LARS1: variants seen among roughly 807,000 people sequenced by gnomAD.
LARS1 encodes leucine--tRNA ligase, cytoplasmic.
In LARS1, 100 loss-of-function variants were observed where a neutral mutation model predicts 162.8. That is an observed-to-expected ratio of 0.61 (90% confidence interval 0.52 to 0.73). LARS1 has a LOEUF of 0.73. Among genes scored for constraint, LARS1 ranks in the 30% least tolerant of loss-of-function variants. LARS1 has a pLI of 0.00. For missense variants in LARS1, 1,258 were observed against 1,408.9 expected (o/e 0.89, Z 1.71); for synonymous variants, 457 against 462.8 (o/e 0.99, Z 0.16).
intron 6 of LARS1, among the ~76,000 whole-genome samples, chr5:146,161,820 A>C (rs1753793857): frequency 6.6e-6 from 1 of 151,874 alleles, no homozygotes; most frequent in South Asian, 2.1e-4. Context: ...ACTAAAGTTT[A>C]TGTGATATTC....
At chr5:146,155,616 A>G (rs1467548401) in intron 10 of LARS1, among the ~76,000 whole-genome samples, 1 of 152,126 alleles carries the variant, frequency 6.6e-6, no homozygotes, top group Non-Finnish European at 1.5e-5. Context: ...CATAATTCCC[A>G]CCCACCCCTC....
At chr5:146,172,248 T>C (rs1754316573) in intron 3 of LARS1, among the ~76,000 whole-genome samples, 1 of 152,194 alleles carries the variant, frequency 6.6e-6, no homozygotes, top group Admixed American at 6.5e-5. Flanking sequence ...CCAGGCACGG[T>C]GGCTCATGCC....
In LARS1 at chr5:146,151,947, T is replaced by C. The variant is rs1321061498; in HGVS notation, c.1340A>G (p.Asp447Gly). 15 of 1,614,024 alleles carry C rather than the reference T, an allele frequency of 9.3e-6. No individual in the cohort carries two copies. The highest frequency in any genetic ancestry group is 1.3e-5 in the African/African-American group (1 of 74,928). ...FGNLSAVTIC[D>G]ELKIQSQNDR... Reference sequence around the variant, plus strand: ...ATTCTGGCTCTGAATTTTCAACTCATCACAAATGGTTACAGCAGAAAGATT... The same window carrying C: ...ATTCTGGCTCTGAATTTTCAACTCACCACAAATGGTTACAGCAGAAAGATT... The change falls in exon 14 of 32, where the codon GAT (aspartate) becomes GGT (glycine). Residue 447 changes from aspartate to glycine, a missense_variant. Physicochemically the swap from Asp to Gly is moderately conservative, Grantham distance 94. Coordinates refer to ENST00000394434, the MANE Select transcript of LARS1 (RefSeq NM_020117.11).
intron 15 of LARS1, among the ~76,000 whole-genome samples, chr5:146,148,012 G>A (rs1337251107): frequency 6.6e-6 from 1 of 152,136 alleles, no homozygotes; most frequent in Non-Finnish European, 1.5e-5. Flanking sequence ...AAGATGATGA[G>A]GTAATACCTT....
intron 31 of LARS1, among the ~76,000 whole-genome samples, chr5:146,116,963 A>C (rs1275545044): frequency 6.6e-6 from 1 of 152,212 alleles, no homozygotes; most frequent in Non-Finnish European, 1.5e-5. Context: ...ATATCAAGGC[A>C]TCCTGAGGGC....
rs200080099 is a variant in LARS1 at position 146,130,999 on chromosome 5, C to T, written c.2487+20G>A. 2.8e-6 allele frequency: 4 copies of T among 1,406,378 alleles called. No individual in the cohort carries two copies. The highest frequency in any genetic ancestry group is 4.0e-6 in the Non-Finnish European group (4 of 1,011,898). 87.1% of individuals were successfully genotyped at this position (1,406,378 alleles called of 1,614,324 possible). A position where few individuals can be genotyped will look rare whatever the true frequency, so the allele number is the denominator to read the frequency against. Reference sequence around the variant, plus strand: ...TCACATTGACATGTTTTATAGCTACCAAAAGAATCAACAGCCTACCTGAAA... The same window carrying T: ...TCACATTGACATGTTTTATAGCTACTAAAAGAATCAACAGCCTACCTGAAA... On this transcript the variant is annotated intron_variant, in intron 24 of 31. Transcript: ENST00000394434.
chr5:146,128,663 G>A lies in LARS1; in HGVS notation c.2880+9C>T. 2 of 1,535,188 alleles carry A rather than the reference G, an allele frequency of 1.3e-6. No homozygotes were observed. Among genetic ancestry groups the A allele is most frequent in the Non-Finnish European group, 1.7e-6 (2 of 1,144,910 alleles). On this transcript the variant is annotated intron_variant, in intron 27 of 31. Coordinates refer to ENST00000394434, the MANE Select transcript of LARS1 (RefSeq NM_020117.11). ...CCATCAGGGGGGAAAAGTCTACTGA[G>A]AGCATCACCTCAAAGTGTTTACGTA...
intron 1 of LARS1, among the ~76,000 whole-genome samples, chr5:146,180,042 C>G (rs1200387611): frequency 2.0e-5 from 3 of 152,190 alleles, no homozygotes; most frequent in African/African-American, 7.2e-5. Flanking sequence ...TTATAGTCAC[C>G]TTAGCACAAA....
chr5:146,158,475 G>A (rs1452079394), intron 8 of LARS1, among the ~76,000 whole-genome samples: 1 of 152,186 alleles, frequency 6.6e-6, no homozygotes, highest in Admixed American at 6.5e-5. Context: ...GGAATCATAA[G>A]TTCAGATGCT....
chr5:146,152,080 T>C (rs1376861706), intron 13 of LARS1, 78 bp from the exon 14 acceptor site: 2 of 1,462,454 alleles, frequency 1.4e-6, no homozygotes, highest in Non-Finnish European at 1.9e-6. Context: ...CTTTTGCCTC[T>C]AATGTCCAAT....
In LARS1 at chr5:146,153,232, A is replaced by G; in HGVS notation, c.1231-5T>C. 6 of 1,611,444 alleles carry G rather than the reference A, an allele frequency of 3.7e-6. No individual in the cohort carries two copies. The highest frequency in any genetic ancestry group is 5.1e-6 in the Non-Finnish European group (6 of 1,178,182). ...TCCATATTTTGCTCGTAAGGCCTAC[A>G]GAAAAATTTGCAAGTTAACACTAAT... On this transcript the variant is annotated splice_region_variant and splice_polypyrimidine_tract_variant and intron_variant, in intron 12 of 31. Transcript: ENST00000394434.
At position 146,133,098 on chromosome 5, in the gene LARS1, A is replaced by G; in HGVS notation, c.2213-17T>C. On this transcript the variant is annotated splice_polypyrimidine_tract_variant and intron_variant, in intron 22 of 31. Coordinates refer to ENST00000394434, the MANE Select transcript of LARS1 (RefSeq NM_020117.11). ...AACGCATTCCTGGAAGAAGAAAAAA[A>G]AATTCAATGCATTAAAAATATGGTT... is the stretch of plus-strand genomic sequence containing the variant. 1 of 1,611,382 alleles carries G rather than the reference A, an allele frequency of 6.2e-7. No individual in the cohort carries two copies.
intron 15 of LARS1, among the ~76,000 whole-genome samples, chr5:146,146,446 TAAA>T (rs1200387841): frequency 8.8e-6 from 1 of 113,260 alleles, no homozygotes; most frequent in African/African-American, 3.5e-5. Context: ...TGGGAAGTGG[TAAA>T]AAAATAACAT....
At chr5:146,157,358 C>A in intron 10 of LARS1, 45 bp downstream of exon 10, 1 of 1,523,614 alleles carries the variant, frequency 6.6e-7, no homozygotes, top group South Asian at 1.1e-5. Context: ...TGAAATTTTC[C>A]TTGAAATTTA....
At chr5:146,175,421 T>C (rs1291699996) in intron 2 of LARS1, among the ~76,000 whole-genome samples, 1 of 150,678 alleles carries the variant, frequency 6.6e-6, no homozygotes, top group Non-Finnish European at 1.5e-5. Flanking sequence ...CATGCACCTG[T>C]AATCCCAGCT....
intron 6 of LARS1, among the ~76,000 whole-genome samples, chr5:146,161,236 GT>G (rs1246710954): frequency 4.6e-5 from 7 of 152,156 alleles, no homozygotes; most frequent in Non-Finnish European, 8.8e-5. Context: ...TGTAATCTTT[GT>G]GCTGGTGGAG....
At chr5:146,162,661 A>G (rs1249670939) in intron 6 of LARS1, among the ~76,000 whole-genome samples, 1 of 152,234 alleles carries the variant, frequency 6.6e-6, no homozygotes, top group Non-Finnish European at 1.5e-5. Context: ...TAAGCCAGAC[A>G]CTGACTTCTC....
rs141010727 is a variant in LARS1, at chr5:146,116,383, C to T, written c.3326-2072G>A. ...TCTCATACACACACACTCTTTCTCT[C>T]TGTCTAAAACAGACCTCCCTCATCA... On this transcript the variant is annotated intron_variant, in intron 31 of 31. Coordinates refer to ENST00000394434, the MANE Select transcript of LARS1 (RefSeq NM_020117.11). 2.6e-3 allele frequency among the ~76,000 whole-genome samples: 391 copies of T among 152,320 alleles called. 1 individual carries two copies. The highest frequency in any genetic ancestry group is 9.2e-3 in the African/African-American group (381 of 41,566).
At chr5:146,158,796 G>A (rs551554855) in intron 8 of LARS1, among the ~76,000 whole-genome samples, 1 of 152,052 alleles carries the variant, frequency 6.6e-6, no homozygotes, top group East Asian at 1.9e-4. Context: ...TTGAGAGCTC[G>A]TAAAAAGATA....
Sources: gnomAD v4.1 joint callset for allele counts (sites outside exome capture counted in the v4.1 genomes callset) on GRCh38, gnomAD v4.1.1 for gene constraint, MANE v1.5 for transcripts, NCBI Gene and HGNC (gene_info 2026-07-23, HGNC 2026-07-21) for gene names.